Variants in CRIM1 observed in about 807,000 individuals in gnomAD.
CRIM1 encodes cysteine rich transmembrane BMP regulator 1.
CRIM1 carries 32 observed loss-of-function variants against 116.4 expected under a neutral mutation model. The ratio of observed to expected loss-of-function variants is 0.27; its 90% CI spans 0.21 to 0.37. The LOEUF (loss-of-function observed/expected upper bound fraction) is 0.37, where lower values mean the gene tolerates loss of function less well. Ranked by LOEUF, CRIM1 falls within the 10% of genes least tolerant of loss-of-function variation. The pLI is 1.00. For missense variants in CRIM1, 1,331 were observed against 1,354.8 expected, an observed-to-expected ratio of 0.98 and a Z score of 0.28; for synonymous variants, 590 against 509.2, an observed-to-expected ratio of 1.16 and a Z score of -2.13.
rs1004966347 is a variant in CRIM1, at chr2:36,546,580, C to CTGTT, written c.2747-401_2747-398dup. ...AAAGAACATACTTTGTTCTAGTCTC[C>CTGTT]TGTTTGCCAATAAATCAGCTAATGT... On this transcript the variant is annotated intron_variant, in intron 15 of 16. Transcript: ENST00000280527. 1.1e-4 allele frequency among the ~76,000 whole-genome samples: 17 copies of CTGTT among 152,108 alleles called. No individual in the cohort carries two copies. In the East Asian group the frequency reaches 1.2e-3, roughly 10 times the overall value.
chr2:36,428,772 C>T (rs1327775278), intron 2 of CRIM1, among the ~76,000 whole-genome samples: 2 of 152,172 alleles, frequency 1.3e-5, no homozygotes, highest in African/African-American at 2.4e-5. Context: ...GCTCTTAAGG[C>T]AAAATACTTC....
In CRIM1 at chr2:36,412,048, A is replaced by G. The variant is rs1397929498; in HGVS notation, c.505+15261A>G. Among the ~76,000 whole-genome samples, 16 of 152,306 alleles carry G rather than the reference A, an allele frequency of 1.1e-4. No individual in the cohort carries two copies. In the East Asian group the frequency reaches 3.1e-3, roughly 29 times the overall value. ...AATTCAAAGGAAATATGAGAGATAA[A>G]GTCGAAAACTGTCTTCCTTTTGTTG... On this transcript the variant is annotated intron_variant, in intron 2 of 16. Coordinates refer to ENST00000280527, the MANE Select transcript of CRIM1 (RefSeq NM_016441.3).
chr2:36,381,830 C>T (rs1395872338), intron 1 of CRIM1, among the ~76,000 whole-genome samples: 1 of 152,240 alleles, frequency 6.6e-6, no homozygotes, highest in Non-Finnish European at 1.5e-5. Flanking sequence ...GTAAAGCACA[C>T]CCCATTTGGA....
rs1356640777 is a variant in CRIM1, at chr2:36,506,163, T to A, written c.1502-3820T>A. On this transcript the variant is annotated intron_variant, in intron 8 of 16. Transcript: ENST00000280527. ...CACACACACACACACACACACTCTC[T>A]CTCTCTCTCTCTCTCTCTCACACAC... Among the ~76,000 whole-genome samples, 19 of 80,388 alleles carry A rather than the reference T, an allele frequency of 2.4e-4. No individual in the cohort carries two copies. The South Asian group carries it at 4.5e-3, about 19-fold the overall frequency. The allele number at this position is 80,388 out of a possible 152,430, so 52.7% of individuals were successfully genotyped here. A position where few individuals can be genotyped will look rare whatever the true frequency, so the allele number is the denominator to read the frequency against.
At chr2:36,401,020 G>C (rs77254739) in intron 2 of CRIM1, among the ~76,000 whole-genome samples, 2,252 of 152,192 alleles carry the variant, frequency 0.015, 53 homozygotes, top group African/African-American at 0.049. Context: ...AGCATAATGA[G>C]AAAACATGGG....
chr2:36,462,966 G>C (rs3770865), intron 4 of CRIM1, among the ~76,000 whole-genome samples: 1 of 151,992 alleles, frequency 6.6e-6, no homozygotes, highest in Non-Finnish European at 1.5e-5. Flanking sequence ...GGAATATAGC[G>C]TATGAATTGA....
intron 7 of CRIM1, among the ~76,000 whole-genome samples, chr2:36,495,883 T>TA (rs1375127417): frequency 6.6e-6 from 1 of 152,124 alleles, no homozygotes; most frequent in Non-Finnish European, 1.5e-5. Context: ...AATAGGTAGA[T>TA]AGTCTATATA....
chr2:36,482,303 C>T (rs1679481289), intron 7 of CRIM1, among the ~76,000 whole-genome samples: 2 of 152,060 alleles, frequency 1.3e-5, no homozygotes, highest in South Asian at 2.1e-4. Context: ...ATAATGCTTT[C>T]ATTTTAAGAT....
At chr2:36,505,848 T>G (rs1356950403) in intron 8 of CRIM1, among the ~76,000 whole-genome samples, 1 of 152,158 alleles carries the variant, frequency 6.6e-6, no homozygotes, top group Non-Finnish European at 1.5e-5. Flanking sequence ...AAGCAAACAT[T>G]GTAAGGAGCA....
chr2:36,484,890 T>A (rs1482344347), intron 7 of CRIM1, among the ~76,000 whole-genome samples: 1 of 152,218 alleles, frequency 6.6e-6, no homozygotes, highest in East Asian at 1.9e-4. Flanking sequence ...ATGGGTAGTT[T>A]CCCCTCTACT....
chr2:36,539,050 A>AG lies in CRIM1; in HGVS notation c.2623+1507dup, dbSNP rs563268989. Among the ~76,000 whole-genome samples the AG allele has an allele frequency of 1.1e-4, 17 of 152,348 alleles. No homozygotes were observed. The East Asian group carries it at 3.3e-3, about 29-fold the overall frequency. ...GTGCACACGGAGCTTACGTTGTAGTAGGGAGAAGCCAGGCAGCTAACAGGT... is the reference window on the plus strand; with the variant it reads ...GTGCACACGGAGCTTACGTTGTAGTAGGGGAGAAGCCAGGCAGCTAACAGGT... On this transcript the variant is annotated intron_variant, in intron 14 of 16. Coordinates refer to ENST00000280527, the MANE Select transcript of CRIM1 (RefSeq NM_016441.3).
Position 36,537,516 on chromosome 2 carries a change from G to A in CRIM1, c.2593G>A (p.Val865Met), listed in dbSNP as rs987285032. The A allele has an allele frequency of 5.6e-6, 9 of 1,612,906 alleles. No individual in the cohort carries two copies. The highest frequency in any genetic ancestry group is 4.4e-5 in the South Asian group (4 of 90,802). The stretch of plus-strand genomic sequence containing the variant: ...TCTGCCCTGTGTTGAGCCCATCAAC[G>A]TGGAAGGAAGTTGCTGCCCAATGTG... ...PPLPCVEPIN[V>M]EGSCCPMCPE... Residue 865 changes from valine (V) to methionine (M), a missense_variant, in exon 14 of 17, where the codon GTG (valine) becomes ATG (methionine). This residue lies in a region of CRIM1 where 283 missense variants were observed against 242.8 expected (regional missense o/e 1.17). Coordinates refer to ENST00000280527, the MANE Select transcript of CRIM1 (RefSeq NM_016441.3).
rs565060235 is a variant in CRIM1, at chr2:36,525,898, T to G, written c.2428+3585T>G. 1.3e-5 allele frequency among the ~76,000 whole-genome samples: 2 copies of G among 152,352 alleles called. 1 individual carries two copies. Among genetic ancestry groups the G allele is most frequent in the South Asian group, 4.1e-4 (2 of 4,832 alleles). ...AAGTGGTGATTCTACCAAAAATAGT[T>G]TTCTGATTACAAGTATTTGTGTTCC... is the stretch of plus-strand genomic sequence containing the variant. On this transcript the variant is annotated intron_variant, in intron 13 of 16. Coordinates refer to ENST00000280527, the MANE Select transcript of CRIM1 (RefSeq NM_016441.3).
At chr2:36,411,570 C>T (rs1673203972) in intron 2 of CRIM1, among the ~76,000 whole-genome samples, 1 of 151,898 alleles carries the variant, frequency 6.6e-6, no homozygotes, top group South Asian at 2.1e-4. Flanking sequence ...ATTTATATAG[C>T]TACATGTATA....
At chr2:36,424,201 A>G (rs572711690) in intron 2 of CRIM1, among the ~76,000 whole-genome samples, 6 of 151,436 alleles carry the variant, frequency 4.0e-5, no homozygotes, top group Non-Finnish European at 8.9e-5. Context: ...TGAACATTTT[A>G]TAAAGTAGGT....
Position 36,549,213 on chromosome 2 carries a change from A to G in CRIM1, c.*512A>G, listed in dbSNP as rs1418073150. ...CTGCCATAACCACCTTAGAACTACC[A>G]GACGAGCACATCAGAACCCTTTGAC... On this transcript the variant is annotated 3_prime_UTR_variant, in exon 17 of 17. Coordinates refer to ENST00000280527, the MANE Select transcript of CRIM1 (RefSeq NM_016441.3). 1 of 152,952 alleles carries G rather than the reference A, an allele frequency of 6.5e-6. No individual in the cohort carries two copies. Among genetic ancestry groups the G allele is most frequent in the Admixed American group, 6.5e-5 (1 of 15,310 alleles). The allele number at this position is 152,952 out of a possible 1,614,324, so 9.5% of individuals were successfully genotyped here. A position where few individuals can be genotyped will look rare whatever the true frequency, so the allele number is the denominator to read the frequency against.
intron 7 of CRIM1, among the ~76,000 whole-genome samples, chr2:36,484,647 G>A (rs762115140): frequency 1.3e-5 from 2 of 152,062 alleles, no homozygotes; most frequent in Admixed American, 6.5e-5. Flanking sequence ...CTTGGGCTGC[G>A]GCTGGACCCT....
At chr2:36,403,207 A>G (rs1672545700) in intron 2 of CRIM1, among the ~76,000 whole-genome samples, 1 of 152,190 alleles carries the variant, frequency 6.6e-6, no homozygotes, top group South Asian at 2.1e-4. Flanking sequence ...AATATGTGGA[A>G]CCTAGTGCTG....
rs143154940 is a variant in CRIM1 at position 36,446,081 on chromosome 2, C to G, written c.869+3346C>G. ...ACATAATAAGGTAAAATATCTGAAA[C>G]TTTAGCTGTAAAGAATTACATTCAG... On this transcript the variant is annotated intron_variant, in intron 4 of 16. Coordinates refer to ENST00000280527, the MANE Select transcript of CRIM1 (RefSeq NM_016441.3). 2.6e-3 allele frequency among the ~76,000 whole-genome samples: 396 copies of G among 152,294 alleles called. 1 individual carries two copies. The highest frequency in any genetic ancestry group is 6.8e-3 in the Middle Eastern group (2 of 294).
Sources: allele counts gnomAD v4.1 joint callset (sites outside exome capture counted in the v4.1 genomes callset), GRCh38; gene constraint gnomAD v4.1.1; regional missense constraint gnomAD v4.1.1; transcripts MANE v1.5; gene names NCBI Gene and HGNC (gene_info 2026-07-23, HGNC 2026-07-21).